XKR9: variants seen among roughly 807,000 people sequenced by gnomAD.
The protein encoded by XKR9 is XK-related protein 9.
XKR9 carries 32 observed loss-of-function variants against 32.0 expected under a neutral mutation model. The observed-to-expected ratio is 1.00, with a 90% CI of 0.76 to 1.34. XKR9 has a LOEUF of 1.34. Among genes scored for constraint, XKR9 ranks in the 40% most tolerant of loss-of-function variants. XKR9 has a pLI of 0.00. For missense variants in XKR9, 546 were observed against 429.7 expected, an observed-to-expected ratio of 1.27 and a Z score of -2.39; for synonymous variants, 168 against 143.4, an observed-to-expected ratio of 1.17 and a Z score of -1.22.
chr8:70,773,672 G>A (rs947511738), intron 2 of XKR9, among the ~76,000 whole-genome samples: 11 of 152,164 alleles, frequency 7.2e-5, no homozygotes, highest in East Asian at 1.9e-4. Flanking sequence ...CAGTTAAAAG[G>A]GGGAAGTGTT....
Position 70,768,967 on chromosome 8 carries a change from C to A in XKR9, n.353-20372C>A, listed in dbSNP as rs187437135. On this transcript the variant is annotated intron_variant and non_coding_transcript_variant, in intron 2 of 3. Transcript: ENST00000520273. ...TTGTTATGTGTGAATTTGATGCTGTCATCATGATGCGAACTGGTTATTTTG... is the reference window on the plus strand; with the variant it reads ...TTGTTATGTGTGAATTTGATGCTGTAATCATGATGCGAACTGGTTATTTTG... 3.3e-3 allele frequency among the ~76,000 whole-genome samples: 505 copies of A among 152,188 alleles called. 18 individuals carry two copies. The highest frequency in any genetic ancestry group is 0.029 in the Admixed American group (439 of 15,284).
chr8:70,778,102 C>G (rs1363791637), intron 2 of XKR9, among the ~76,000 whole-genome samples: 1 of 152,090 alleles, frequency 6.6e-6, no homozygotes, highest in Non-Finnish European at 1.5e-5. Flanking sequence ...ACATTTAAGT[C>G]TTTTATCTAT....
At chr8:70,806,370 A>T in the XKR9 span, among the ~76,000 whole-genome samples, 3 of 152,204 alleles carry the variant, frequency 2.0e-5, no homozygotes, top group Non-Finnish European at 4.4e-5. Context: ...TCTCCAAATG[A>T]TTGCAACATT....
At chr8:70,755,318 A>T (rs1396107288) in intron 2 of XKR9, among the ~76,000 whole-genome samples, 1 of 152,238 alleles carries the variant, frequency 6.6e-6, no homozygotes, top group Non-Finnish European at 1.5e-5. Context: ...CTGGGACTGT[A>T]AACTAGTTCA....
the XKR9 span, among the ~76,000 whole-genome samples, chr8:70,815,971 T>C: frequency 6.6e-6 from 1 of 152,178 alleles, no homozygotes; most frequent in Non-Finnish European, 1.5e-5. Context: ...CATGTGTCTT[T>C]ATAATAGAAC....
chr8:70,799,214 C>T, the XKR9 span, among the ~76,000 whole-genome samples: 1 of 152,088 alleles, frequency 6.6e-6, no homozygotes, highest in Admixed American at 6.6e-5. Context: ...TTTGGGTCAG[C>T]TTTGATTTCT....
chr8:70,955,680 C>T, the XKR9 span, among the ~76,000 whole-genome samples: 4 of 152,196 alleles, frequency 2.6e-5, no homozygotes, highest in East Asian at 7.7e-4. Context: ...GCTCATTCTG[C>T]CCCCTCAGCC....
At position 70,734,066 on chromosome 8, in the gene XKR9, C is replaced by T. The variant is rs751051310; in HGVS notation, c.764C>T (p.Thr255Ile). The T allele has an allele frequency of 5.0e-6, 8 of 1,612,754 alleles. No individual in the cohort carries two copies. Among genetic ancestry groups the T allele is most frequent in the Non-Finnish European group, 6.8e-6 (8 of 1,179,254 alleles). The change falls in exon 5 of 5, where the codon ACT (threonine) becomes ATT (isoleucine). Residue 255 changes from threonine (T) to isoleucine (I), a missense_variant. Coordinates refer to ENST00000408926, the MANE Select transcript of XKR9 (RefSeq NM_001011720.2). The stretch of plus-strand genomic sequence containing the variant: ...TTTAAAAACAACACCCAGTTTTGTA[C>T]TTGTATAAGTATGGAATTCTTATAT... ...WAFKNNTQFC[T>I]CISMEFLYRI...
At chr8:70,920,230 A>G in the XKR9 span, among the ~76,000 whole-genome samples, 1 of 152,220 alleles carries the variant, frequency 6.6e-6, no homozygotes, top group Admixed American at 6.5e-5. Flanking sequence ...ATGTTTTTAA[A>G]TCAATGAAAT....
the XKR9 span, among the ~76,000 whole-genome samples, chr8:70,987,174 C>T: frequency 1.3e-5 from 2 of 152,086 alleles, no homozygotes; most frequent in South Asian, 2.1e-4. Flanking sequence ...ATCATTCAGC[C>T]CCTGGACCCT....
chr8:70,923,292 T>C, the XKR9 span, among the ~76,000 whole-genome samples: 1 of 152,262 alleles, frequency 6.6e-6, no homozygotes, highest in East Asian at 1.9e-4. Flanking sequence ...GAGAGAGCTC[T>C]CTAATCTTAC....
chr8:70,857,883 G>GA, the XKR9 span, among the ~76,000 whole-genome samples: 16 of 152,098 alleles, frequency 1.1e-4, no homozygotes, highest in Non-Finnish European at 2.4e-4. Context: ...TATCTCAATA[G>GA]ATGCAGAAAA....
At chr8:70,969,903 C>T in the XKR9 span, among the ~76,000 whole-genome samples, 6 of 152,076 alleles carry the variant, frequency 3.9e-5, no homozygotes, top group African/African-American at 1.2e-4. Flanking sequence ...CCTCTCCACC[C>T]CCAACCATTC....
chr8:70,898,676 T>C, the XKR9 span, among the ~76,000 whole-genome samples: 1 of 152,238 alleles, frequency 6.6e-6, no homozygotes, highest in Admixed American at 6.5e-5. Flanking sequence ...TCCTTTATGG[T>C]TCAAGAACAT....
chr8:70,750,418 G>C (rs1315982680), intron 2 of XKR9, among the ~76,000 whole-genome samples: 2 of 152,178 alleles, frequency 1.3e-5, no homozygotes, highest in Non-Finnish European at 2.9e-5. Context: ...TTGGAGGGCT[G>C]TCTGTGTATT....
chr8:70,759,254 C>G (rs1245318076), intron 2 of XKR9, among the ~76,000 whole-genome samples: 1 of 152,084 alleles, frequency 6.6e-6, no homozygotes, highest in East Asian at 1.9e-4. Flanking sequence ...ACAGCTCAGG[C>G]CCATGCAATA....
intron 4 of XKR9, among the ~76,000 whole-genome samples, chr8:70,719,951 T>C (rs1806220860): frequency 6.6e-6 from 1 of 152,194 alleles, no homozygotes; most frequent in Non-Finnish European, 1.5e-5. Context: ...TTTTTCCATT[T>C]GTTTGTGTCC....
the XKR9 span, among the ~76,000 whole-genome samples, chr8:70,920,634 T>C: frequency 2.6e-5 from 4 of 152,124 alleles, no homozygotes; most frequent in Admixed American, 1.3e-4. Context: ...AGACCATACA[T>C]GGCCATATCC....
At chr8:70,985,020 T>C in the XKR9 span, among the ~76,000 whole-genome samples, 1 of 152,208 alleles carries the variant, frequency 6.6e-6, no homozygotes, top group African/African-American at 2.4e-5. Context: ...AAGGTATAAC[T>C]AATAATAAAT....
Sources: allele counts gnomAD v4.1 joint callset (sites outside exome capture counted in the v4.1 genomes callset), GRCh38; gene constraint gnomAD v4.1.1; transcripts MANE v1.5; gene names NCBI Gene and HGNC (gene_info 2026-07-23, HGNC 2026-07-21).